The following ATRNL1 variants were observed in gnomAD, a reference collection of about 807,000 sequenced individuals.
ATRNL1 encodes the protein attractin-like protein 1.
A neutral mutation model predicts 182.7 loss-of-function variants in ATRNL1; 95 were observed. That is an observed-to-expected ratio of 0.52 (90% CI 0.44 to 0.62). The LOEUF is 0.62. Among genes scored for constraint, ATRNL1 ranks in the 20% least tolerant of loss-of-function variants. The pLI is 0.00. For synonymous variants in ATRNL1, 576 were observed against 568.3 expected, an observed-to-expected ratio of 1.01 and a Z score of -0.19; for missense variants, 1,471 against 1,679.5, an observed-to-expected ratio of 0.88 and a Z score of 2.17.
chr10:115,908,453 C>T (rs558660489), intron 28 of ATRNL1, among the ~76,000 whole-genome samples: 104 of 152,230 alleles, frequency 6.8e-4, no homozygotes, highest in Middle Eastern at 3.4e-3. Flanking sequence ...GTGGATTTCT[C>T]ACCCTGCACC....
At chr10:115,633,604 G>A (rs998784334) in intron 26 of ATRNL1, among the ~76,000 whole-genome samples, 38 of 152,246 alleles carry the variant, frequency 2.5e-4, no homozygotes, top group African/African-American at 8.9e-4. Context: ...TAATTAACTT[G>A]TTGTTAATTG....
At chr10:115,525,876 A>G (rs1851185904) in intron 25 of ATRNL1, among the ~76,000 whole-genome samples, 1 of 152,128 alleles carries the variant, frequency 6.6e-6, no homozygotes, top group Non-Finnish European at 1.5e-5. Context: ...AAATCTGGTC[A>G]TACTTCCATG....
chr10:115,606,077 A>G (rs1856858426), intron 26 of ATRNL1, among the ~76,000 whole-genome samples: 1 of 152,150 alleles, frequency 6.6e-6, no homozygotes, highest in Non-Finnish European at 1.5e-5. Context: ...AAAGCCTAAG[A>G]TTCATTTTCT....
chr10:115,101,771 A>G (rs1843778828), intron 1 of ATRNL1, among the ~76,000 whole-genome samples: 1 of 152,212 alleles, frequency 6.6e-6, no homozygotes, highest in South Asian at 2.1e-4. Flanking sequence ...AATTGGCATT[A>G]TTTCTTCATT....
intron 26 of ATRNL1, among the ~76,000 whole-genome samples, chr10:115,556,476 T>C (rs1554997070): frequency 6.6e-6 from 1 of 152,300 alleles, no homozygotes; most frequent in Non-Finnish European, 1.5e-5. Flanking sequence ...GAAGTTTATG[T>C]CTGTGCAGAC....
chr10:115,584,182 T>G (rs1409809671), intron 26 of ATRNL1, among the ~76,000 whole-genome samples: 6 of 149,454 alleles, frequency 4.0e-5, no homozygotes, highest in African/African-American at 7.3e-5. Flanking sequence ...TTTGCATCAA[T>G]GTTCATCAAG....
At chr10:115,439,373 G>T (rs2134440781) in intron 21 of ATRNL1, among the ~76,000 whole-genome samples, 1 of 151,564 alleles carries the variant, frequency 6.6e-6, no homozygotes, top group Admixed American at 6.6e-5. Context: ...TGAAGATCAA[G>T]GATTAAAACA....
chr10:115,549,429 G>A, intron 25 of ATRNL1, 29 bp from the exon 26 acceptor site: 2 of 1,549,196 alleles, frequency 1.3e-6, no homozygotes, highest in African/African-American at 1.4e-5. Context: ...TAAGTTTTGA[G>A]CAAAAATTAT....
At chr10:115,580,129 G>A (rs1854979569) in intron 26 of ATRNL1, among the ~76,000 whole-genome samples, 1 of 151,978 alleles carries the variant, frequency 6.6e-6, no homozygotes, top group African/African-American at 2.4e-5. Context: ...AAATTACCAT[G>A]TATCTATCTA....
intron 26 of ATRNL1, among the ~76,000 whole-genome samples, chr10:115,675,945 G>T (rs1173704500): frequency 6.6e-6 from 1 of 152,116 alleles, no homozygotes; most frequent in African/African-American, 2.4e-5. Flanking sequence ...CTCCAGAGCT[G>T]TGCTGGCAAT....
Position 115,271,424 on chromosome 10 carries a change from C to T in ATRNL1, c.2100+2980C>T, listed in dbSNP as rs1851859616. On this transcript the variant is annotated intron_variant, in intron 13 of 28. Coordinates refer to ENST00000355044, the MANE Select transcript of ATRNL1 (RefSeq NM_207303.4). ...CGTTAGGTATATCTCCTAATGCTAT[C>T]CCTCCCCTCTACCCCCACCCCACGA... is the stretch of plus-strand genomic sequence containing the variant. Among the ~76,000 whole-genome samples the T allele has an allele frequency of 2.0e-5, 3 of 151,846 alleles. No homozygotes were observed. In the South Asian group the frequency reaches 6.2e-4, roughly 32 times the overall value.
At chr10:115,640,520 A>G (rs782177473) in intron 26 of ATRNL1, among the ~76,000 whole-genome samples, 24 of 152,218 alleles carry the variant, frequency 1.6e-4, no homozygotes, top group South Asian at 4.1e-4. Context: ...CATTTCTCTA[A>G]TGATGAGTGA....
chr10:115,798,872 G>A (rs1949722764), intron 27 of ATRNL1, among the ~76,000 whole-genome samples: 1 of 141,434 alleles, frequency 7.1e-6, no homozygotes, highest in Admixed American at 7.5e-5. Flanking sequence ...TGTTGACCAA[G>A]CTGGAGTGCA....
intron 26 of ATRNL1, among the ~76,000 whole-genome samples, chr10:115,709,217 T>A (rs1300582620): frequency 6.6e-6 from 1 of 151,862 alleles, no homozygotes; most frequent in Non-Finnish European, 1.5e-5. Flanking sequence ...GGCCTTAGAA[T>A]TGTCAGTGAA....
At chr10:115,103,453 ATCTT>A (rs1554865131) in intron 1 of ATRNL1, among the ~76,000 whole-genome samples, 1 of 152,054 alleles carries the variant, frequency 6.6e-6, no homozygotes, top group East Asian at 1.9e-4. Context: ...AATCAGGGAA[ATCTT>A]TCTTTGGTGA....
rs1844051831 is a variant in ATRNL1 at position 115,107,247 on chromosome 10, T to C, written c.294-12938T>C. Among the ~76,000 whole-genome samples, 5 of 152,114 alleles carry C rather than the reference T, an allele frequency of 3.3e-5. No homozygotes were observed. In the South Asian group the frequency reaches 8.3e-4, roughly 25 times the overall value. ...CCTGGGGCAAATTCCCTTCCAGCTG[T>C]GAGCCTGTGAAATCAAAACAAGTTG... is the stretch of plus-strand genomic sequence containing the variant. On this transcript the variant is annotated intron_variant, in intron 1 of 28. Coordinates refer to ENST00000355044, the MANE Select transcript of ATRNL1 (RefSeq NM_207303.4).
intron 26 of ATRNL1, among the ~76,000 whole-genome samples, chr10:115,567,203 C>T (rs529910286): frequency 1.3e-5 from 2 of 152,150 alleles, no homozygotes; most frequent in East Asian, 3.9e-4. Context: ...TGGTATGTAG[C>T]TAGGTGATTA....
chr10:115,297,175 A>G (rs1312762469), intron 15 of ATRNL1, among the ~76,000 whole-genome samples: 1 of 152,204 alleles, frequency 6.6e-6, no homozygotes, highest in Non-Finnish European at 1.5e-5. Context: ...AGAGGATAAG[A>G]TATATGAGGT....
At position 115,854,559 on chromosome 10, in the gene ATRNL1, C is replaced by T. The variant is rs1951135113; in HGVS notation, c.4018+6568C>T. On this transcript the variant is annotated intron_variant, in intron 28 of 28. Coordinates refer to ENST00000355044, the MANE Select transcript of ATRNL1 (RefSeq NM_207303.4). ...AACTGCCGATCCTGTGGGTCTTCAGCCAACACCTCTCACCTGCTGAGCAGC... is the reference window on the plus strand; with the variant it reads ...AACTGCCGATCCTGTGGGTCTTCAGTCAACACCTCTCACCTGCTGAGCAGC... Among the ~76,000 whole-genome samples, 3 of 152,194 alleles carry T rather than the reference C, an allele frequency of 2.0e-5. No individual in the cohort carries two copies. In the South Asian group the frequency reaches 6.2e-4, roughly 32 times the overall value.
Sources: gnomAD v4.1 joint callset for allele counts (sites outside exome capture counted in the v4.1 genomes callset) on GRCh38, gnomAD v4.1.1 for gene constraint, MANE v1.5 for transcripts, NCBI Gene and HGNC (gene_info 2026-07-23, HGNC 2026-07-21) for gene names.